The following PRKAR2B variants were observed in gnomAD, a reference collection of about 807,000 sequenced individuals.
PRKAR2B encodes protein kinase cAMP-dependent type II regulatory subunit beta.
PRKAR2B carries 14 observed loss-of-function variants against 49.9 expected under a neutral mutation model. The ratio of observed to expected loss-of-function variants is 0.28; its 90% CI spans 0.19 to 0.44. PRKAR2B has a LOEUF of 0.44. Ranked by LOEUF, PRKAR2B falls within the 20% of genes least tolerant of loss-of-function variation. The pLI is 1.00. For synonymous variants in PRKAR2B, 196 were observed against 197.7 expected (o/e 0.99, Z 0.07); for missense variants, 393 against 537.9 (o/e 0.73, Z 2.67).
At chr7:107,056,487 T>C (rs576087662) in intron 1 of PRKAR2B, among the ~76,000 whole-genome samples, 15 of 152,326 alleles carry the variant, frequency 9.8e-5, no homozygotes, top group African/African-American at 3.4e-4. Flanking sequence ...CCTCTTTTAT[T>C]TCATTGAGCA....
intron 2 of PRKAR2B, among the ~76,000 whole-genome samples, chr7:107,113,456 C>A (rs990360083): frequency 1.3e-5 from 2 of 152,104 alleles, no homozygotes; most frequent in African/African-American, 4.8e-5. Flanking sequence ...GCTTAGAAAT[C>A]CTTACCAGAC....
intron 1 of PRKAR2B, among the ~76,000 whole-genome samples, chr7:107,053,074 A>T (rs1584401108): frequency 6.6e-6 from 1 of 152,116 alleles, no homozygotes; most frequent in Non-Finnish European, 1.5e-5. Context: ...AAGTGATCCC[A>T]CCTGCCTCAG....
chr7:107,097,111 G>A (rs1436301370), intron 2 of PRKAR2B, among the ~76,000 whole-genome samples: 2 of 152,132 alleles, frequency 1.3e-5, no homozygotes, highest in Non-Finnish European at 2.9e-5. Context: ...ACAGTGGGGT[G>A]TTAAAGTCTC....
chr7:107,044,915 T>A lies in PRKAR2B; in HGVS notation c.8T>A (p.Ile3Asn). MSIEIPAGLTELL... is the reference protein window; with the variant it reads MSNEIPAGLTELL... ...TGCCGCCCCGGAGGCAGGATGAGCA[T>A]CGAGATCCCGGCGGGACTGACGGAG... The change falls in exon 1 of 11, where the codon ATC (isoleucine) becomes AAC (asparagine). Residue 3 changes from isoleucine to asparagine, a missense_variant. Transcript: ENST00000265717. 1 of 1,596,462 alleles carries A rather than the reference T, an allele frequency of 6.3e-7. No individual in the cohort carries two copies. Among genetic ancestry groups the A allele is most frequent in the Admixed American group, 1.7e-5 (1 of 58,780 alleles).
rs1796178599 is a variant in PRKAR2B at position 107,160,470 on chromosome 7, C to T, written c.*888C>T. 2 of 152,046 alleles carry T rather than the reference C, an allele frequency of 1.3e-5. No homozygotes were observed. Among genetic ancestry groups the T allele is most frequent in the Non-Finnish European group, 2.9e-5 (2 of 68,008 alleles). The allele number at this position is 152,046 out of a possible 1,614,324, so 9.4% of individuals were successfully genotyped here. ...TTACACCTAAAAAATCTCTCCTATCCCAAAAATAATGTGGGATCCTTATCA... is the reference window on the plus strand; with the variant it reads ...TTACACCTAAAAAATCTCTCCTATCTCAAAAATAATGTGGGATCCTTATCA... On this transcript the variant is annotated 3_prime_UTR_variant, in exon 11 of 11. Transcript: ENST00000265717.
chr7:107,050,774 A>C (rs1793785303), intron 1 of PRKAR2B, among the ~76,000 whole-genome samples: 1 of 152,188 alleles, frequency 6.6e-6, no homozygotes, highest in Non-Finnish European at 1.5e-5. Context: ...ACAATGTGTG[A>C]AACTTGGAAG....
intron 2 of PRKAR2B, among the ~76,000 whole-genome samples, chr7:107,072,805 G>C (rs1794306877): frequency 6.6e-6 from 1 of 152,054 alleles, no homozygotes; most frequent in Non-Finnish European, 1.5e-5. Context: ...GATTTCTTAT[G>C]ATACCTTTTC....
chr7:107,054,990 G>A (rs1165299092), intron 1 of PRKAR2B, among the ~76,000 whole-genome samples: 1 of 151,796 alleles, frequency 6.6e-6, no homozygotes, highest in Admixed American at 6.6e-5. Context: ...AGGCCCCAGT[G>A]TGTGATGTTC....
chr7:107,150,224 A>G (rs963889025), intron 6 of PRKAR2B, among the ~76,000 whole-genome samples: 2 of 152,098 alleles, frequency 1.3e-5, no homozygotes, highest in African/African-American at 4.8e-5. Context: ...AATTTTTACT[A>G]GTTCTTCAAC....
intron 7 of PRKAR2B, among the ~76,000 whole-genome samples, chr7:107,151,778 C>T (rs1190931324): frequency 1.3e-5 from 2 of 152,074 alleles, no homozygotes; most frequent in Non-Finnish European, 2.9e-5. Context: ...CTCTGCCTGG[C>T]GTTGTACTGC....
chr7:107,141,752 A>G (rs1024032220), intron 5 of PRKAR2B, among the ~76,000 whole-genome samples: 4 of 152,192 alleles, frequency 2.6e-5, no homozygotes, highest in Non-Finnish European at 4.4e-5. Context: ...ACAGGGGCAT[A>G]AGGTGAAAAG....
Position 107,151,040 on chromosome 7 carries a change from G to A in PRKAR2B, c.843+17G>A. On this transcript the variant is annotated intron_variant, in intron 7 of 10. Coordinates refer to ENST00000265717, the MANE Select transcript of PRKAR2B (RefSeq NM_002736.3). ...TCTTTGGAGGTAAGTATATGTTTATGCTTTTATTTTATTTTGCTTTAAAAG... is the reference window on the plus strand; with the variant it reads ...TCTTTGGAGGTAAGTATATGTTTATACTTTTATTTTATTTTGCTTTAAAAG... The A allele has an allele frequency of 1.4e-6, 2 of 1,384,728 alleles. No homozygotes were observed. Among genetic ancestry groups the A allele is most frequent in the Non-Finnish European group, 2.0e-6 (2 of 1,023,862 alleles). The allele number at this position is 1,384,728 out of a possible 1,614,324, so 85.8% of individuals were successfully genotyped here. A position where few individuals can be genotyped will look rare whatever the true frequency, so the allele number is the denominator to read the frequency against.
chr7:107,053,311 T>C (rs76658115), intron 1 of PRKAR2B, among the ~76,000 whole-genome samples: 6,588 of 152,258 alleles, frequency 0.043, 327 homozygotes, highest in African/African-American at 0.12. Context: ...TCCTACAATA[T>C]AAATTTTGAA....
chr7:107,113,516 G>A (rs978166198), intron 2 of PRKAR2B, among the ~76,000 whole-genome samples: 1 of 152,094 alleles, frequency 6.6e-6, no homozygotes, highest in Non-Finnish European at 1.5e-5. Flanking sequence ...CTGTCCTCTA[G>A]TACAAGTTGA....
intron 2 of PRKAR2B, among the ~76,000 whole-genome samples, chr7:107,117,568 T>A (rs1795299782): frequency 6.6e-6 from 1 of 152,152 alleles, no homozygotes; most frequent in Non-Finnish European, 1.5e-5. Context: ...ATCGTGGAGT[T>A]CAGTCTGCTT....
chr7:107,114,999 A>G (rs1795245216), intron 2 of PRKAR2B, among the ~76,000 whole-genome samples: 1 of 152,208 alleles, frequency 6.6e-6, no homozygotes, highest in Non-Finnish European at 1.5e-5. Context: ...CAAATATTTA[A>G]AATATCTAAA....
intron 4 of PRKAR2B, chr7:107,128,658 A>G (rs1795543010): frequency 5.6e-6 from 1 of 177,996 alleles, no homozygotes; most frequent in African/African-American, 2.4e-5. Context: ...ATATGCAGGG[A>G]TGCTCAGGGC....
intron 1 of PRKAR2B, among the ~76,000 whole-genome samples, chr7:107,060,698 A>G (rs1194748777): frequency 6.6e-6 from 1 of 151,726 alleles, no homozygotes. Context: ...AGTCATTGAA[A>G]AAAATCTCCC....
chr7:107,157,142 T>C (rs1420967433), intron 9 of PRKAR2B, 44 bp from the exon 10 acceptor site: 1 of 1,607,142 alleles, frequency 6.2e-7, no homozygotes, highest in Admixed American at 1.7e-5. Flanking sequence ...AATTTTATTT[T>C]TCATAAGCTG....
Sources: gnomAD v4.1 joint callset for allele counts (sites outside exome capture counted in the v4.1 genomes callset) on GRCh38, gnomAD v4.1.1 for gene constraint, MANE v1.5 for transcripts, NCBI Gene and HGNC (gene_info 2026-07-23, HGNC 2026-07-21) for gene names.